The following LARP1 variants were observed in gnomAD, a reference collection of about 807,000 sequenced individuals.
LARP1 encodes the protein La ribonucleoprotein 1, translational regulator.
Under a neutral mutation model 122.7 loss-of-function variants are expected in LARP1, and 36 were observed. That is an observed-to-expected ratio of 0.29 (90% CI 0.22 to 0.39). The LOEUF (loss-of-function observed/expected upper bound fraction) is 0.39. LARP1 is among the 10% of genes least tolerant of loss of function. The pLI, the probability that LARP1 is intolerant of heterozygous loss-of-function variation, is 1.00. For missense variants in LARP1, 1,040 were observed against 1,403.6 expected (o/e 0.74, Z 4.14); for synonymous variants, 539 against 528.7 (o/e 1.02, Z -0.27).
At chr5:154,788,262 T>C (rs998123962) in intron 1 of LARP1, among the ~76,000 whole-genome samples, 4 of 152,012 alleles carry the variant, frequency 2.6e-5, no homozygotes, top group African/African-American at 9.7e-5. Flanking sequence ...CTAAGAACTC[T>C]ATCCTCTTGG....
At chr5:154,747,708 G>C (rs1753273249) in intron 1 of LARP1, among the ~76,000 whole-genome samples, 1 of 151,312 alleles carries the variant, frequency 6.6e-6, no homozygotes, top group Non-Finnish European at 1.5e-5. Context: ...CTCAAAAAAA[G>C]CAAAAATTAG....
chr5:154,792,586 A>AG (rs781503790), intron 3 of LARP1, 36 bp from the exon 4 acceptor site: 64 of 1,601,412 alleles, frequency 4.0e-5, no homozygotes, highest in Non-Finnish European at 5.0e-5. Context: ...TGAGGCACTC[A>AG]CACTCACCTC....
intron 1 of LARP1, among the ~76,000 whole-genome samples, chr5:154,742,693 G>A (rs1752965504): frequency 6.8e-6 from 1 of 146,436 alleles, no homozygotes; most frequent in African/African-American, 2.5e-5. Context: ...TCATGCCACT[G>A]TACTCCAGCC....
At chr5:154,759,126 T>A (rs1358681477) in intron 1 of LARP1, among the ~76,000 whole-genome samples, 1 of 152,258 alleles carries the variant, frequency 6.6e-6, no homozygotes, top group East Asian at 1.9e-4. Flanking sequence ...GCAAGTTATT[T>A]AACCATTCTA....
chr5:154,698,037 T>A (rs924718440), intron 1 of LARP1, among the ~76,000 whole-genome samples: 16 of 151,978 alleles, frequency 1.1e-4, no homozygotes, highest in African/African-American at 3.6e-4. Flanking sequence ...TTTTTTTTTT[T>A]AAATTACAAA....
rs149794675 is a variant in LARP1 at position 154,768,562 on chromosome 5, T to A, written c.436+12369T>A. Among the ~76,000 whole-genome samples, 32 of 152,182 alleles carry A rather than the reference T, an allele frequency of 2.1e-4. No homozygotes were observed. The East Asian group carries it at 5.6e-3, about 27-fold the overall frequency. On this transcript the variant is annotated intron_variant, in intron 1 of 18. Coordinates refer to ENST00000518297, the MANE Select transcript of LARP1 (RefSeq NM_033551.3). ...CAACCACTGAATTATGTACCCTATT[T>A]TTTATTTATTTATTTTTATTTATTT... is the stretch of plus-strand genomic sequence containing the variant.
intron 1 of LARP1, among the ~76,000 whole-genome samples, chr5:154,774,875 C>T (rs1028378805): frequency 3.3e-5 from 5 of 152,046 alleles, no homozygotes; most frequent in African/African-American, 1.2e-4. Flanking sequence ...CAGGTGGCAC[C>T]AGGGGGGATC....
chr5:154,770,591 T>C (rs1197997227), intron 1 of LARP1, among the ~76,000 whole-genome samples: 2 of 152,130 alleles, frequency 1.3e-5, no homozygotes, highest in African/African-American at 2.4e-5. Context: ...GGGAGGGCAG[T>C]CCAGGAGGTT....
chr5:154,737,831 T>A (rs1756996906), intron 1 of LARP1, among the ~76,000 whole-genome samples: 1 of 152,058 alleles, frequency 6.6e-6, no homozygotes, highest in Non-Finnish European at 1.5e-5. Flanking sequence ...TCCTTGTGAA[T>A]GAGCTATCCT....
chr5:154,696,647 C>G (rs1477049152), intron 1 of LARP1, among the ~76,000 whole-genome samples: 1 of 152,050 alleles, frequency 6.6e-6, no homozygotes, highest in African/African-American at 2.4e-5. Context: ...GGAGCTTGCC[C>G]CTGCATTATT....
At chr5:154,754,801 G>C (rs1753696832), upstream of LARP1, among the ~76,000 whole-genome samples, 1 of 152,184 alleles carries the variant, frequency 6.6e-6, no homozygotes, top group East Asian at 1.9e-4. Flanking sequence ...GGCGGGGACC[G>C]AAGGGGCCAG....
chr5:154,736,967 C>A (rs1391377850), intron 1 of LARP1, among the ~76,000 whole-genome samples: 1 of 152,116 alleles, frequency 6.6e-6, no homozygotes, highest in East Asian at 1.9e-4. Flanking sequence ...TTCTACACAT[C>A]CTTGCTAACT....
intron 1 of LARP1, among the ~76,000 whole-genome samples, chr5:154,758,065 T>A (rs1241245787): frequency 6.6e-6 from 1 of 151,888 alleles, no homozygotes; most frequent in African/African-American, 2.4e-5. Context: ...AAGGGTATAA[T>A]CATCCCCGGG....
In LARP1 at chr5:154,794,241, A is replaced by T. The variant is rs1365573237; in HGVS notation, c.1211A>T (p.Lys404Ile). 1.9e-6 allele frequency: 3 copies of T among 1,614,144 alleles called. No homozygotes were observed. Among genetic ancestry groups the T allele is most frequent in the Non-Finnish European group, 2.5e-6 (3 of 1,180,020 alleles). The change falls in exon 7 of 19, where the codon AAA becomes ATA. Residue 404 changes from lysine to isoleucine, a missense_variant. By Grantham distance (102) the Lys-to-Ile change is moderately radical. This residue lies in a region of LARP1 where 362 missense variants were observed against 533.1 expected (regional missense o/e 0.68). Coordinates refer to ENST00000518297, the MANE Select transcript of LARP1 (RefSeq NM_033551.3). ...ELYSVDQELL[K>I]DYIKRQIEYY... ...TACAGTGTGGATCAGGAACTGCTCA[A>T]AGACTACATCAAGCGCCAGATGTGA...
intron 1 of LARP1, among the ~76,000 whole-genome samples, chr5:154,683,282 T>A (rs973938712): frequency 6.6e-6 from 1 of 152,240 alleles, no homozygotes; most frequent in African/African-American, 2.4e-5. Flanking sequence ...GCCAGGCAAG[T>A]CAAACTGACG....
At chr5:154,770,309 C>T (rs1015464697) in intron 1 of LARP1, among the ~76,000 whole-genome samples, 6 of 151,046 alleles carry the variant, frequency 4.0e-5, no homozygotes, top group South Asian at 4.2e-4. Context: ...ATTGCTATTT[C>T]GTATTTCCTC....
Position 154,805,299 on chromosome 5 carries a change from T to C in LARP1, c.2547-582T>C, listed in dbSNP as rs1758680290. ...ATCATCATAAAGGTCTTCATCGTCG[T>C]GGTCTTCATGTTTAGCAGGCTGAGA... On this transcript the variant is annotated intron_variant, in intron 14 of 18. Transcript: ENST00000518297. 2.6e-5 allele frequency: 6 copies of C among 226,474 alleles called. No homozygotes were observed. The South Asian group carries it at 2.8e-4, about 11-fold the overall frequency. The allele number at this position is 226,474 out of a possible 1,614,324, so 14.0% of individuals were successfully genotyped here.
chr5:154,766,227 G>A (rs1754939549), intron 1 of LARP1, among the ~76,000 whole-genome samples: 1 of 152,212 alleles, frequency 6.6e-6, no homozygotes, highest in African/African-American at 2.4e-5. Context: ...GCTGGAAGGA[G>A]TGGAGAGACA....
At chr5:154,699,322 T>C (rs1754610569) in intron 1 of LARP1, among the ~76,000 whole-genome samples, 1 of 152,154 alleles carries the variant, frequency 6.6e-6, no homozygotes, top group Non-Finnish European at 1.5e-5. Context: ...GCCCCATTCC[T>C]GGAGATTCAA....
Sources: allele counts gnomAD v4.1 joint callset (sites outside exome capture counted in the v4.1 genomes callset), GRCh38; gene constraint gnomAD v4.1.1; regional missense constraint gnomAD v4.1.1; transcripts MANE v1.5; gene names NCBI Gene and HGNC (gene_info 2026-07-23, HGNC 2026-07-21).